The following SPNS2 variants were observed in gnomAD, a reference collection of about 807,000 sequenced individuals.
The protein encoded by SPNS2 is SPNS lysolipid transporter 2, sphingosine-1-phosphate, also known as sphingosine-1-phosphate transporter SPNS2.
A neutral mutation model predicts 57.6 loss-of-function variants in SPNS2; 37 were observed. The ratio of observed to expected loss-of-function variants is 0.64; its 90% CI spans 0.49 to 0.85. The LOEUF (loss-of-function observed/expected upper bound fraction) is 0.85, where lower values mean the gene tolerates loss of function less well. Ranked by LOEUF, SPNS2 falls within the 40% of genes least tolerant of loss-of-function variation. SPNS2 has a pLI of 0.00. For missense variants in SPNS2, 831 were observed against 779.1 expected (o/e 1.07, Z -0.79); for synonymous variants, 440 against 346.9 (o/e 1.27, Z -2.98).
intron 2 of SPNS2, among the ~76,000 whole-genome samples, chr17:4,521,103 C>T (rs1040619960): frequency 1.3e-5 from 2 of 152,168 alleles, no homozygotes; most frequent in African/African-American, 4.8e-5. Context: ...CTTCATTATC[C>T]TGGCAGGATC....
At chr17:4,527,646 C>T (rs1905294892) in intron 3 of SPNS2, among the ~76,000 whole-genome samples, 1 of 152,178 alleles carries the variant, frequency 6.6e-6, no homozygotes, top group Admixed American at 6.5e-5. Context: ...AGAGACAGGG[C>T]TCAGCTTCTC....
At chr17:4,536,488 C>A in intron 11 of SPNS2, 62 bp downstream of exon 11, 1 of 1,532,706 alleles carries the variant, frequency 6.5e-7, no homozygotes, top group Non-Finnish European at 8.8e-7. Context: ...TGATAGCCAC[C>A]GTGAGCCCTG....
rs1904808254 is a variant in SPNS2 at position 4,510,705 on chromosome 17, A to AC, written c.371-2540dup. ...CCGCCCATCCTCTTGTCCACCCGAC[A>AC]CCAAAATCGTGACTGTCCCTGCTCT... On this transcript the variant is annotated intron_variant, in intron 1 of 12. Transcript: ENST00000329078. The surrounding 1 kb of genome is among the most constrained non-coding windows in gnomAD (Gnocchi z 4.4). 2.0e-5 allele frequency among the ~76,000 whole-genome samples: 3 copies of AC among 152,090 alleles called. No individual in the cohort carries two copies. Among genetic ancestry groups the AC allele is most frequent in the Admixed American group, 2.0e-4 (3 of 15,276 alleles).
chr17:4,500,696 A>T (rs895001231), intron 1 of SPNS2, among the ~76,000 whole-genome samples: 4 of 140,876 alleles, frequency 2.8e-5, no homozygotes, highest in African/African-American at 1.1e-4. Context: ...CATAAACCAC[A>T]TGCCACCTGG....
At chr17:4,531,948 C>T (rs1395546139) in intron 5 of SPNS2, among the ~76,000 whole-genome samples, 1 of 152,164 alleles carries the variant, frequency 6.6e-6, no homozygotes, top group African/African-American at 2.4e-5. Flanking sequence ...AAATGCCAGC[C>T]CACTTGATCT....
chr17:4,529,627 C>A (rs1053018597), intron 3 of SPNS2, among the ~76,000 whole-genome samples: 1 of 151,752 alleles, frequency 6.6e-6, no homozygotes, highest in Non-Finnish European at 1.5e-5. Context: ...AGTGAGATCG[C>A]GCCACTGCAC....
At chr17:4,520,759 T>A (rs753167376) in intron 2 of SPNS2, among the ~76,000 whole-genome samples, 7 of 152,082 alleles carry the variant, frequency 4.6e-5, no homozygotes, top group Non-Finnish European at 8.8e-5. Context: ...TCTGCCAAAC[T>A]GGGATTTAAA....
chr17:4,527,479 A>G (rs1026409833), intron 3 of SPNS2, among the ~76,000 whole-genome samples: 15 of 152,270 alleles, frequency 9.9e-5, no homozygotes, highest in African/African-American at 3.6e-4. Context: ...CTTGCAGAAT[A>G]AAGTCCCGAT....
rs1597373968 is a variant in SPNS2, at chr17:4,538,632, T to TGGGGTGG, written c.*1191_*1197dup. Reference sequence around the variant, plus strand: ...AATCAAGGTGGTTCTGGTGCGGGGGTGGGGTGGGGGGTGAGGCCTTGTGGC... The same window carrying TGGGGTGG: ...AATCAAGGTGGTTCTGGTGCGGGGGTGGGGTGGGGGGTGGGGGGTGAGGCCTTGTGGC... On this transcript the variant is annotated 3_prime_UTR_variant, in exon 13 of 13. Coordinates refer to ENST00000329078, the MANE Select transcript of SPNS2 (RefSeq NM_001124758.3). 8.2e-6 allele frequency: 4 copies of TGGGGTGG among 486,116 alleles called. No individual in the cohort carries two copies. The highest frequency in any genetic ancestry group is 2.3e-5 in the South Asian group (1 of 43,024). 30.1% of individuals were successfully genotyped at this position (486,116 alleles called of 1,614,324 possible).
intron 11 of SPNS2, 66 bp downstream of exon 11, chr17:4,536,492 A>T (rs1905817184): frequency 6.5e-7 from 1 of 1,529,746 alleles, no homozygotes; most frequent in Non-Finnish European, 8.9e-7. Flanking sequence ...AGCCACCGTG[A>T]GCCCTGCCCT....
intron 12 of SPNS2, among the ~76,000 whole-genome samples, 171 bp from the exon 13 acceptor site, chr17:4,537,282 G>C (rs1275792036): frequency 6.6e-6 from 1 of 152,228 alleles, no homozygotes; most frequent in Non-Finnish European, 1.5e-5. Flanking sequence ...CTGACTCCTT[G>C]GCCCTTCCCT....
chr17:4,532,430 C>T, intron 5 of SPNS2, 112 bp from the exon 6 acceptor site: 3 of 1,500,642 alleles, frequency 2.0e-6, no homozygotes, highest in Non-Finnish European at 2.7e-6. Flanking sequence ...GATACCTGCT[C>T]AGAGGAGAAG....
rs866670711 is a variant in SPNS2 at position 4,534,438 on chromosome 17, C to G, written c.1344+585C>G. ...GGGCGTGGCAGGGGTGAGTGTGACA[C>G]TTGGTCCTGTGCCCAAGGGTCAGCC... On this transcript the variant is annotated intron_variant, in intron 9 of 12. Coordinates refer to ENST00000329078, the MANE Select transcript of SPNS2 (RefSeq NM_001124758.3). 1.8e-5 allele frequency: 3 copies of G among 164,586 alleles called. No individual in the cohort carries two copies. The South Asian group carries it at 5.0e-4, about 27-fold the overall frequency. 10.2% of individuals were successfully genotyped at this position (164,586 alleles called of 1,614,324 possible).
intron 6 of SPNS2, 85 bp from the exon 7 acceptor site, chr17:4,532,892 G>A (rs1905557928): frequency 6.6e-6 from 10 of 1,524,176 alleles, no homozygotes; most frequent in Non-Finnish European, 7.9e-6. Context: ...GCATTTGGGG[G>A]CCTCCTGTTC....
At chr17:4,501,874 C>A (rs1330433068) in intron 1 of SPNS2, among the ~76,000 whole-genome samples, 1 of 152,088 alleles carries the variant, frequency 6.6e-6, no homozygotes, top group East Asian at 1.9e-4. Flanking sequence ...GAAGGGAGGT[C>A]CCACTCTCCT....
chr17:4,500,681 C>T (rs909578420), intron 1 of SPNS2, among the ~76,000 whole-genome samples: 1 of 149,990 alleles, frequency 6.7e-6, no homozygotes, highest in Non-Finnish European at 1.5e-5. Flanking sequence ...GGAAGAGAGC[C>T]CGGGCATAAA....
chr17:4,513,117 G>A (rs1046785478), intron 1 of SPNS2, 130 bp from the exon 2 acceptor site: 2 of 983,038 alleles, frequency 2.0e-6, no homozygotes, highest in Non-Finnish European at 3.2e-6. Context: ...CAGGGTAGAG[G>A]TCGCAGCAGA....
At chr17:4,528,270 G>T (rs563678254) in intron 3 of SPNS2, among the ~76,000 whole-genome samples, 1 of 152,006 alleles carries the variant, frequency 6.6e-6, no homozygotes, top group South Asian at 2.1e-4. Context: ...TGATCCTACC[G>T]CCTCAGCCTC....
intron 2 of SPNS2, among the ~76,000 whole-genome samples, chr17:4,523,995 G>A (rs1402721884): frequency 6.6e-6 from 1 of 152,074 alleles, no homozygotes; most frequent in Admixed American, 6.5e-5. Context: ...CAAAAAAATT[G>A]TTGTTGTTGA....
Sources: gnomAD v4.1 joint callset for allele counts (sites outside exome capture counted in the v4.1 genomes callset) on GRCh38, gnomAD v4.1.1 for gene constraint, Gnocchi (gnomAD v3.1) non-coding constraint, MANE v1.5 for transcripts, NCBI Gene and HGNC (gene_info 2026-07-23, HGNC 2026-07-21) for gene names.